Variants in TCP1 observed in about 807,000 individuals in gnomAD.
The protein encoded by TCP1 is T-complex protein 1 subunit alpha.
TCP1 carries 6 observed loss-of-function variants against 54.7 expected under a neutral mutation model. That is an observed-to-expected ratio of 0.11 (90% CI 0.06 to 0.22). TCP1 has a LOEUF of 0.22. Ranked by LOEUF, TCP1 falls within the 10% of genes least tolerant of loss-of-function variation. The pLI is 1.00. For synonymous variants in TCP1, 225 were observed against 229.7 expected (o/e 0.98, Z 0.19); for missense variants, 511 against 678.2 (o/e 0.75, Z 2.74).
rs1308664762 is a variant in TCP1, at chr6:159,779,634, G to A, written c.1447C>T (p.Leu483=). The A allele has an allele frequency of 6.3e-7, 1 of 1,599,276 alleles. No individual in the cohort carries two copies. The highest frequency in any genetic ancestry group is 8.5e-7 in the Non-Finnish European group (1 of 1,176,116). ...GCGGGAAACCATGCTTACCATTTTA[G>A]ATTTTTACGTTCTGGGTTAACCTGG... The part of the protein sequence containing the change: ...EAQVNPERKN[L]KWIGLDLSNG... Residue 483 remains leucine, a synonymous_variant, in exon 11 of 12, where the codon CTA becomes TTA. Coordinates refer to ENST00000321394, the MANE Select transcript of TCP1 (RefSeq NM_030752.3).
chr6:159,781,141 T>G (rs1780567479), intron 7 of TCP1, 31 bp from the exon 8 acceptor site: 4 of 1,499,854 alleles, frequency 2.7e-6, no homozygotes, highest in East Asian at 2.4e-5. Context: ...CTGAGTTACC[T>G]TCTGTGATTT....
chr6:159,779,981 C>G lies in TCP1; in HGVS notation c.1204G>C (p.Val402Leu). ...GGAACCACAGATTTTGACTCCAAAA[C>G]TCTCTTCACTACACAAAGTGCATCA... Reference protein sequence around the residue: ...LHDALCVVKRVLESKSVVPGG... With the variant: ...LHDALCVVKRLLESKSVVPGG... Residue 402 changes from valine (V) to leucine (L), a missense_variant, in exon 10 of 12, where the codon GTT (valine) becomes CTT (leucine). Physicochemically the swap from Val to Leu is conservative, Grantham distance 32. Coordinates refer to ENST00000321394, the MANE Select transcript of TCP1 (RefSeq NM_030752.3). The G allele has an allele frequency of 1.2e-6, 2 of 1,614,176 alleles. No homozygotes were observed. Among genetic ancestry groups the G allele is most frequent in the Middle Eastern group, 1.7e-4 (1 of 6,060 alleles).
At chr6:159,787,361 C>T (rs190867944) in intron 3 of TCP1, among the ~76,000 whole-genome samples, 10 of 152,134 alleles carry the variant, frequency 6.6e-5, no homozygotes, top group Admixed American at 5.2e-4. Flanking sequence ...GGGGAGGAAA[C>T]AAGACTTTTG....
intron 3 of TCP1, among the ~76,000 whole-genome samples, chr6:159,786,224 T>C (rs1780694158): frequency 1.3e-5 from 2 of 152,198 alleles, no homozygotes; most frequent in Non-Finnish European, 2.9e-5. Flanking sequence ...AGCAAAACAA[T>C]GGACAGCAAT....
intron 7 of TCP1, among the ~76,000 whole-genome samples, chr6:159,783,514 G>A (rs1051716691): frequency 3.3e-5 from 5 of 150,638 alleles, no homozygotes; most frequent in South Asian, 2.1e-4. Flanking sequence ...AAAGTGTTGC[G>A]ATTACAGGCA....
rs15982 is a variant in TCP1, at chr6:159,778,655, T to C, written c.*390A>G. 1,212,142 of 1,612,640 alleles carry C rather than the reference T, an allele frequency of 0.75. 458,906 individuals carry two copies. The highest frequency in any genetic ancestry group is 0.81 in the Admixed American group (48,344 of 59,970). On this transcript the variant is annotated 3_prime_UTR_variant, in exon 12 of 12. Transcript: ENST00000321394. ...AACAATCTAAATCTTTTCTCCCCCG[T>C]TAGGTCAATATTGAAGGAGGGGCTA...
intron 10 of TCP1, 31 bp from the exon 11 acceptor site, chr6:159,779,821 C>CAAA: frequency 6.3e-7 from 1 of 1,582,678 alleles, no homozygotes. Flanking sequence ...GGTGACTTCA[C>CAAA]AAAAGGGAAA....
intron 1 of TCP1, 53 bp downstream of exon 1, chr6:159,789,351 TG>T: frequency 1.2e-6 from 2 of 1,604,016 alleles, no homozygotes; most frequent in African/African-American, 1.3e-5. Flanking sequence ...CCGGTCGCGG[TG>T]GGACTCGGCC....
At chr6:159,781,223 T>A in intron 7 of TCP1, 113 bp from the exon 8 acceptor site, 1 of 967,896 alleles carries the variant, frequency 1.0e-6, no homozygotes, top group Non-Finnish European at 1.4e-6. Flanking sequence ...TATCCTTTGT[T>A]ATCTCTGACC....
In TCP1 at chr6:159,788,112, T is replaced by C. The variant is rs1780742105; in HGVS notation, c.96A>G (p.Val32=). 1 of 1,614,158 alleles carries C rather than the reference T, an allele frequency of 6.2e-7. No homozygotes were observed. The highest frequency in any genetic ancestry group is 8.5e-7 in the Non-Finnish European group (1 of 1,180,038). ...AGCCAACTGGACCAAGAGAACTTTT[T>C]ACAATATTGGCAATCGAAGCTGCAG... ...VMAAASIANI[V]KSSLGPVGLD... Residue 32 remains valine (V), a synonymous_variant, in exon 2 of 12, where the codon GTA becomes GTG. Transcript: ENST00000321394.
intron 5 of TCP1, 22 bp from the exon 6 acceptor site, chr6:159,784,869 G>A: frequency 1.9e-6 from 3 of 1,613,882 alleles, no homozygotes; most frequent in South Asian, 2.2e-5. Context: ...GTTAAGGACA[G>A]TAACAGGTTT....
chr6:159,783,573 A>G (rs1260353787), intron 7 of TCP1, among the ~76,000 whole-genome samples: 8 of 152,092 alleles, frequency 5.3e-5, no homozygotes, highest in Admixed American at 2.6e-4. Flanking sequence ...AGTGACTGTC[A>G]GGCAGTCAAA....
At chr6:159,780,650 A>AG (rs1780555320) in intron 8 of TCP1, 84 bp from the exon 9 acceptor site, 1 of 1,514,586 alleles carries the variant, frequency 6.6e-7, no homozygotes, top group African/African-American at 1.4e-5. Context: ...TTGTGGTAAA[A>AG]GTGCTATATT....
intron 11 of TCP1, 80 bp downstream of exon 11, chr6:159,779,547 G>C: frequency 1.3e-6 from 2 of 1,492,420 alleles, no homozygotes; most frequent in Non-Finnish European, 1.8e-6. Flanking sequence ...ACTTATGTTT[G>C]CTGACATGTA....
At chr6:159,787,930 T>A (rs771776131) in intron 2 of TCP1, 59 bp from the exon 3 acceptor site, 16 of 1,609,324 alleles carry the variant, frequency 9.9e-6, no homozygotes, top group Admixed American at 8.4e-5. Context: ...AGCCCCATTA[T>A]AATACACGTT....
At chr6:159,785,341 T>A (rs764100897) in intron 5 of TCP1, 45 bp downstream of exon 5, 1 of 1,454,306 alleles carries the variant, frequency 6.9e-7, no homozygotes, top group East Asian at 2.3e-5. Context: ...CTCAAAGTCT[T>A]ATGCTTTAAA....
intron 3 of TCP1, 119 bp from the exon 4 acceptor site, chr6:159,786,116 A>C: frequency 1.4e-6 from 1 of 740,586 alleles, no homozygotes; most frequent in Non-Finnish European, 2.3e-6. Flanking sequence ...GAAATGAATT[A>C]ACTGGTTATT....
chr6:159,780,367 CAAAT>C, intron 9 of TCP1, 72 bp downstream of exon 9: 2 of 1,602,700 alleles, frequency 1.2e-6, no homozygotes, highest in Non-Finnish European at 1.7e-6. Flanking sequence ...CTACAAGCAG[CAAAT>C]AAATGGGAAG....
chr6:159,784,051 G>C lies in TCP1; in HGVS notation c.687C>G (p.Ile229Met). Reference protein sequence around the residue: ...VVGSQGMPKRIVNAKIACLDF... With the variant: ...VVGSQGMPKRMVNAKIACLDF... ...CAAGGCAAGCAATTTTTGCATTTACGATTCTCTTGGGCATGCCTACAATTG... is the reference window on the plus strand; with the variant it reads ...CAAGGCAAGCAATTTTTGCATTTACCATTCTCTTGGGCATGCCTACAATTG... Residue 229 changes from isoleucine (I) to methionine (M), a missense_variant, in exon 7 of 12, where the codon ATC becomes ATG. Coordinates refer to ENST00000321394, the MANE Select transcript of TCP1 (RefSeq NM_030752.3). 6.2e-7 allele frequency: 1 copy of C among 1,613,476 alleles called. No homozygotes were observed. Among genetic ancestry groups the C allele is most frequent in the Admixed American group, 1.7e-5 (1 of 59,886 alleles).
Sources: allele counts gnomAD v4.1 joint callset (sites outside exome capture counted in the v4.1 genomes callset), GRCh38; gene constraint gnomAD v4.1.1; transcripts MANE v1.5; gene names NCBI Gene and HGNC (gene_info 2026-07-23, HGNC 2026-07-21).